RFC5: variants seen among roughly 807,000 people sequenced by gnomAD.
RFC5 encodes the protein A1 36 kDa subunit.
RFC5 carries 26 observed loss-of-function variants against 44.3 expected under a neutral mutation model. That is an observed-to-expected ratio of 0.59 (90% CI 0.43 to 0.81). The LOEUF (loss-of-function observed/expected upper bound fraction) is 0.81. Ranked by LOEUF, RFC5 falls within the 40% of genes least tolerant of loss-of-function variation. RFC5 has a pLI of 0.00. For missense variants in RFC5, 328 were observed against 418.6 expected, an observed-to-expected ratio of 0.78 and a Z score of 1.89; for synonymous variants, 155 against 155.2, an observed-to-expected ratio of 1.00 and a Z score of 0.01.
In RFC5 at chr12:118,029,801, T is replaced by C; in HGVS notation, c.902T>C (p.Leu301Ser). The C allele has an allele frequency of 6.2e-7, 1 of 1,610,484 alleles. No homozygotes were observed. Residue 301 changes from leucine (L) to serine (S), a missense_variant, in exon 10 of 11, where the codon TTA (leucine) becomes TCA (serine). Leu to Ser is a moderately radical substitution (Grantham distance 145, BLOSUM62 -2). Transcript: ENST00000454402. ...VDFPSSVRIH[L>S]LTKMADIEYR... is the part of the protein sequence containing the mutation. ...TTTCCATCTTCAGTTCGAATACATTTATTGACCAAAATGGCAGACATTGAG... is the reference window on the plus strand; with the variant it reads ...TTTCCATCTTCAGTTCGAATACATTCATTGACCAAAATGGCAGACATTGAG...
At chr12:118,034,594 G>A (rs77268631), downstream of RFC5, 81 of 408,770 alleles carry the variant, frequency 2.0e-4, no homozygotes, top group African/African-American at 1.5e-3. Context: ...TCTCTCTCTC[G>A]GCACAGCCCT....
chr12:118,019,526 T>C lies in RFC5; in HGVS notation c.131-106T>C. 7.9e-7 allele frequency: 1 copy of C among 1,268,606 alleles called. No homozygotes were observed. Among genetic ancestry groups the C allele is most frequent in the African/African-American group, 1.5e-5 (1 of 67,070 alleles). The allele number at this position is 1,268,606 out of a possible 1,614,324, so 78.6% of individuals were successfully genotyped here. On this transcript the variant is annotated intron_variant, in intron 2 of 10. Transcript: ENST00000454402. The surrounding 1 kb of genome is among the most constrained non-coding windows in gnomAD (Gnocchi z 4.2). ...CATCAAGTTGTATCTGCCTCTGATT[T>C]GGACATTGAATTGGGTTGAAGAGCT...
chr12:118,038,452 G>A, the RFC5 span: 1 of 1,509,804 alleles, frequency 6.6e-7, no homozygotes, highest in African/African-American at 1.4e-5. Context: ...TGGAGAACGG[G>A]AGAACTGGGG....
downstream of RFC5, chr12:118,034,249 C>G: frequency 6.2e-7 from 1 of 1,614,164 alleles, no homozygotes; most frequent in Non-Finnish European, 8.5e-7. Context: ...ATTGGCAGTG[C>G]TAGGACTTGG....
chr12:118,035,788 TAAAG>T (rs2137761601), downstream of RFC5: 3 of 168,662 alleles, frequency 1.8e-5, no homozygotes, highest in South Asian at 4.4e-4. Context: ...TAAATGGAAA[TAAAG>T]AGTCATATTG....
At chr12:118,018,912 T>C (rs1222450081) in intron 1 of RFC5, among the ~76,000 whole-genome samples, 160 bp from the exon 2 acceptor site, 2 of 152,206 alleles carry the variant, frequency 1.3e-5, no homozygotes, top group African/African-American at 4.8e-5. Context: ...CCGGGCTGGT[T>C]GGTCTTGAAC....
chr12:118,017,891 G>A (rs2030206313), intron 1 of RFC5: 2 of 671,360 alleles, frequency 3.0e-6, no homozygotes, highest in Admixed American at 2.1e-5. Context: ...AGAATGCAGT[G>A]TACTGTTGTG....
At chr12:118,032,776 C>G (rs925888786), downstream of RFC5, 1 of 152,276 alleles carries the variant, frequency 6.6e-6, no homozygotes, top group African/African-American at 2.4e-5. Context: ...CTCCTGGGCT[C>G]AAGCAGTCCT....
intron 9 of RFC5, among the ~76,000 whole-genome samples, chr12:118,028,358 G>A (rs944768755): frequency 1.8e-4 from 28 of 151,926 alleles, no homozygotes; most frequent in Admixed American, 1.4e-3. Context: ...GGTGGCGCAC[G>A]CCTGTAATCC....
chr12:118,020,148 T>C lies in RFC5; in HGVS notation c.267+380T>C, dbSNP rs887760229. 2.0e-5 allele frequency among the ~76,000 whole-genome samples: 3 copies of C among 152,318 alleles called. No homozygotes were observed. In the East Asian group the frequency reaches 5.8e-4, roughly 29 times the overall value. ...ATAAGCTCACTTACCCTCTGGCTCCTGGTTGGGTTTGGCCAATAGGGGCCT... is the reference window on the plus strand; with the variant it reads ...ATAAGCTCACTTACCCTCTGGCTCCCGGTTGGGTTTGGCCAATAGGGGCCT... On this transcript the variant is annotated intron_variant, in intron 3 of 10. Coordinates refer to ENST00000454402, the MANE Select transcript of RFC5 (RefSeq NM_007370.7).
chr12:118,025,130 CAG>C lies in RFC5; in HGVS notation c.581+121_581+122del, dbSNP rs1029987856. On this transcript the variant is annotated intron_variant, in intron 6 of 10. Coordinates refer to ENST00000454402, the MANE Select transcript of RFC5 (RefSeq NM_007370.7). ...AAACGACTTTGCAGAGTGCCTAGCA[CAG>C]GGGAGGCACTGGGGACCGTCCACTG... 1.5e-4 allele frequency: 127 copies of C among 839,512 alleles called. No homozygotes were observed. In the African/African-American group the frequency reaches 1.7e-3, roughly 11 times the overall value. 52.0% of individuals were successfully genotyped at this position (839,512 alleles called of 1,614,324 possible).
At chr12:118,037,659 ACT>A (rs893687575), downstream of RFC5, among the ~76,000 whole-genome samples, 10 of 148,660 alleles carry the variant, frequency 6.7e-5, no homozygotes, top group Non-Finnish European at 1.2e-4. Context: ...CAACAGCGAA[ACT>A]CTGTCTAAAA....
At chr12:118,029,585 T>C (rs1333451035) in intron 9 of RFC5, among the ~76,000 whole-genome samples, 186 bp from the exon 10 acceptor site, 4 of 152,130 alleles carry the variant, frequency 2.6e-5, no homozygotes, top group Non-Finnish European at 5.9e-5. Flanking sequence ...AAGCACAAAA[T>C]CGAGTGGGTA....
chr12:118,036,533 G>C (rs1889409216), downstream of RFC5: 1 of 1,596,514 alleles, frequency 6.3e-7, no homozygotes, highest in African/African-American at 1.3e-5. Flanking sequence ...AGAAGTGCCT[G>C]GTTAGGGCAG....
chr12:118,019,469 G>T lies in RFC5; in HGVS notation c.131-163G>T, dbSNP rs2030334777. On this transcript the variant is annotated intron_variant, in intron 2 of 10. Coordinates refer to ENST00000454402, the MANE Select transcript of RFC5 (RefSeq NM_007370.7). The surrounding 1 kb of genome is among the most constrained non-coding windows in gnomAD (Gnocchi z 4.2). Reference sequence around the variant, plus strand: ...TGGCTGCGCTATTGAGTGAATTCCAGTTGTTCCACGAAAGTAGATATGAGG... The same window carrying T: ...TGGCTGCGCTATTGAGTGAATTCCATTTGTTCCACGAAAGTAGATATGAGG... Among the ~76,000 whole-genome samples the T allele has an allele frequency of 6.6e-6, 1 of 152,186 alleles. No homozygotes were observed. Among genetic ancestry groups the T allele is most frequent in the African/African-American group, 2.4e-5 (1 of 41,440 alleles).
chr12:118,025,654 T>A (rs1772534881), intron 6 of RFC5, 93 bp from the exon 7 acceptor site: 3 of 761,818 alleles, frequency 3.9e-6, no homozygotes, highest in Non-Finnish European at 7.2e-6. Context: ...TTCATCCCTT[T>A]AAAGCCTTAA....
intron 1 of RFC5, chr12:118,018,201 A>AT: frequency 1.9e-6 from 1 of 538,852 alleles, no homozygotes; most frequent in Admixed American, 3.0e-5. Context: ...GACAGAAGAG[A>AT]TTTTACCTAT....
At chr12:118,025,465 C>T (rs891015215) in intron 6 of RFC5, 6 of 403,662 alleles carry the variant, frequency 1.5e-5, no homozygotes, top group African/African-American at 1.2e-4. Context: ...GGCCTCTGTC[C>T]TCCCCAGAGA....
downstream of RFC5, chr12:118,036,156 T>G (rs577001777): frequency 1.5e-6 from 1 of 653,472 alleles, no homozygotes; most frequent in East Asian, 3.0e-5. Context: ...GATCCAAGAT[T>G]GCGCCACTGC....
Sources: allele counts gnomAD v4.1 joint callset (sites outside exome capture counted in the v4.1 genomes callset), GRCh38; gene constraint gnomAD v4.1.1; non-coding constraint Gnocchi (gnomAD v3.1); transcripts MANE v1.5; gene names NCBI Gene and HGNC (gene_info 2026-07-23, HGNC 2026-07-21).